The following ERVK3-1 variants were observed in gnomAD, a reference collection of about 807,000 sequenced individuals.
The protein encoded by ERVK3-1 is endogenous retrovirus group K3 member 1, also known as HERV-K(HML6-1).
chr19:58,307,676 C>T (rs1444920290), intron 2 of ERVK3-1, among the ~76,000 whole-genome samples: 2 of 150,642 alleles, frequency 1.3e-5, no homozygotes, highest in Admixed American at 6.6e-5. Flanking sequence ...ACTTTGCCCT[C>T]GCCGTAATAA....
intron 2 of ERVK3-1, among the ~76,000 whole-genome samples, chr19:58,308,410 T>G (rs921687066): frequency 2.0e-5 from 3 of 152,266 alleles, no homozygotes; most frequent in Non-Finnish European, 2.9e-5. Context: ...AGTGCTGAAA[T>G]TTTACTTTGT....
chr19:58,306,019 C>G (rs535493367), intron 1 of ERVK3-1, 69 bp from the exon 2 acceptor site: 1 of 152,416 alleles, frequency 6.6e-6, no homozygotes, highest in Non-Finnish European at 1.5e-5. Flanking sequence ...GCCCCCTGAC[C>G]CCTTCTTTCA....
rs1176210036 is a variant in ERVK3-1 at position 58,312,466 on chromosome 19, T to C, written c.294+4T>C. On this transcript the variant is annotated splice_donor_region_variant and intron_variant, in intron 3 of 3. Coordinates refer to ENST00000413518, the Ensembl canonical transcript of ERVK3-1. The surrounding 1 kb of genome is among the most constrained non-coding windows in gnomAD (Gnocchi z 4.7). ...GCTAGCTGTAGTGTCCTGTGCGGTA[T>C]GTTTCCCCTGTGTAGAGGCAAAAAC... 2.5e-6 allele frequency: 1 copy of C among 399,950 alleles called. No homozygotes were observed. Among genetic ancestry groups the C allele is most frequent in the Admixed American group, 4.4e-5 (1 of 22,712 alleles). The allele number at this position is 399,950 out of a possible 1,614,324, so 24.8% of individuals were successfully genotyped here.
At chr19:58,314,099 T>C (rs748535894) in intron 3 of ERVK3-1, among the ~76,000 whole-genome samples, 1 of 152,184 alleles carries the variant, frequency 6.6e-6, no homozygotes, top group Non-Finnish European at 1.5e-5. Flanking sequence ...TTTGCAATTG[T>C]AGCAGCAATT....
chr19:58,312,192 T>C lies in ERVK3-1; in HGVS notation c.24T>C (p.Pro8=), dbSNP rs1209745955. 10 of 400,028 alleles carry C rather than the reference T, an allele frequency of 2.5e-5. No homozygotes were observed. In the East Asian group the frequency reaches 3.6e-4, roughly 14 times the overall value. The allele number at this position is 400,028 out of a possible 1,614,324, so 24.8% of individuals were successfully genotyped here. Residue 8 remains proline, a synonymous_variant, in exon 3 of 4, where the codon CCT becomes CCC. Transcript: ENST00000413518. This position sits in a 1 kb window ranked among gnomAD's most constrained non-coding sequence, Gnocchi z 4.7. ...AGATGGACAAACCGTGTGGGTGCCC[T>C]CCAGGTGTGTGTGACCATGGAACGG...
chr19:58,316,586 G>A (rs530165447), downstream of ERVK3-1, among the ~76,000 whole-genome samples: 29 of 152,284 alleles, frequency 1.9e-4, no homozygotes, highest in South Asian at 2.9e-3. Context: ...CAGGTGAATC[G>A]CTTGTTCCCA....
Position 58,312,285 on chromosome 19 carries a change from G to C in ERVK3-1, c.117G>C (p.Arg39=), listed in dbSNP as rs973687456. The change falls in exon 3 of 4, where the codon CGG becomes CGC. Residue 39 remains arginine (R), a synonymous_variant. Transcript: ENST00000413518. This position sits in a 1 kb window ranked among gnomAD's most constrained non-coding sequence, Gnocchi z 4.7. ...CTCCAGTACGAGCCATGAGCCAGCG[G>C]AATCTGAATGCAAAGACAGAACAAG... The C allele has an allele frequency of 2.5e-6, 1 of 400,042 alleles. No homozygotes were observed. Among genetic ancestry groups the C allele is most frequent in the African/African-American group, 2.1e-5 (1 of 48,608 alleles). The allele number at this position is 400,042 out of a possible 1,614,324, so 24.8% of individuals were successfully genotyped here. A position where few individuals can be genotyped will look rare whatever the true frequency, so the allele number is the denominator to read the frequency against.
chr19:58,313,044 C>T lies in ERVK3-1; in HGVS notation c.294+582C>T, dbSNP rs939522374. The T allele has an allele frequency of 6.6e-6, 1 of 152,196 alleles. No homozygotes were observed. The highest frequency in any genetic ancestry group is 2.4e-5 in the African/African-American group (1 of 41,442). 9.4% of individuals were successfully genotyped at this position (152,196 alleles called of 1,614,324 possible). On this transcript the variant is annotated intron_variant, in intron 3 of 3. Transcript: ENST00000413518. The surrounding 1 kb of genome is among the most constrained non-coding windows in gnomAD (Gnocchi z 4.5). ...TCATCACATCACACTGGGATTCAGTCCCCCAGTTGGCTGCACAACTTGCTT... is the reference window on the plus strand; with the variant it reads ...TCATCACATCACACTGGGATTCAGTTCCCCAGTTGGCTGCACAACTTGCTT...
downstream of ERVK3-1, among the ~76,000 whole-genome samples, chr19:58,315,950 C>T (rs2051589891): frequency 6.6e-6 from 1 of 152,192 alleles, no homozygotes; most frequent in African/African-American, 2.4e-5. Context: ...GCAAGAGTCA[C>T]TAGCAACCTG....
chr19:58,308,573 A>G (rs145929429), intron 2 of ERVK3-1, among the ~76,000 whole-genome samples: 1 of 152,320 alleles, frequency 6.6e-6, no homozygotes, highest in East Asian at 1.9e-4. Flanking sequence ...AGGAAATGGG[A>G]TATCAGAGTG....
At chr19:58,315,811 C>T (rs2051589087), downstream of ERVK3-1, 1 of 152,312 alleles carries the variant, frequency 6.6e-6, no homozygotes, top group Non-Finnish European at 1.5e-5. Flanking sequence ...TGCCTGTGCT[C>T]ATTAGCCATA....
In ERVK3-1 at chr19:58,312,126, T is replaced by G; in HGVS notation, c.-3-40T>G. The stretch of plus-strand genomic sequence containing the variant: ...AGGACAATGGAAAGGTCCGGTGGAT[T>G]TGCTGACGTGGGGACGAGGGTATGC... On this transcript the variant is annotated intron_variant, in intron 2 of 3. Transcript: ENST00000413518. The surrounding 1 kb of genome is among the most constrained non-coding windows in gnomAD (Gnocchi z 4.7). 1 of 400,074 alleles carries G rather than the reference T, an allele frequency of 2.5e-6. No individual in the cohort carries two copies. Among genetic ancestry groups the G allele is most frequent in the Non-Finnish European group, 4.4e-6 (1 of 226,088 alleles). 24.8% of individuals were successfully genotyped at this position (400,074 alleles called of 1,614,324 possible). A position where few individuals can be genotyped will look rare whatever the true frequency, so the allele number is the denominator to read the frequency against.
At chr19:58,314,775 G>C (rs544759744) in exon 4 of ERVK3-1, 43 of 399,800 alleles carry the variant, frequency 1.1e-4, no homozygotes, top group Non-Finnish European at 1.7e-4. Flanking sequence ...ACCACCAACC[G>C]GCAATTGAAA....
Position 58,314,736 on chromosome 19 carries a change from T to C in ERVK3-1, c.295-12T>C, listed in dbSNP as rs2051579857. ...GAATAATGTTGTTATGTCTCTGTTT[T>C]TTTGCTCATAGTCTATAGGATCGGG... is the stretch of plus-strand genomic sequence containing the variant. On this transcript the variant is annotated splice_polypyrimidine_tract_variant and intron_variant, in intron 3 of 3. Transcript: ENST00000413518. The C allele has an allele frequency of 5.0e-6, 2 of 400,132 alleles. No individual in the cohort carries two copies. The highest frequency in any genetic ancestry group is 4.4e-6 in the Non-Finnish European group (1 of 226,060). The allele number at this position is 400,132 out of a possible 1,614,324, so 24.8% of individuals were successfully genotyped here.
At chr19:58,305,796 A>G (rs532965023) in intron 1 of ERVK3-1, among the ~76,000 whole-genome samples, 31 of 152,344 alleles carry the variant, frequency 2.0e-4, no homozygotes, top group African/African-American at 6.7e-4. Context: ...GTCTGCCGCC[A>G]GAAGGAATGC....
At position 58,310,753 on chromosome 19, in the gene ERVK3-1, G is replaced by A. The variant is rs1243930768; in HGVS notation, c.-3-1413G>A. 1 of 243,664 alleles carries A rather than the reference G, an allele frequency of 4.1e-6. No individual in the cohort carries two copies. Among genetic ancestry groups the A allele is most frequent in the Non-Finnish European group, 8.6e-6 (1 of 116,940 alleles). The allele number at this position is 243,664 out of a possible 1,614,324, so 15.1% of individuals were successfully genotyped here. On this transcript the variant is annotated intron_variant, in intron 2 of 3. Transcript: ENST00000413518. This position sits in a 1 kb window ranked among gnomAD's most constrained non-coding sequence, Gnocchi z 4.7. The stretch of plus-strand genomic sequence containing the variant: ...TAGGCCTCCGGATAACTGTGGGCGA[G>A]CCTGACTAATGTCAGGCCCTCCACA...
intron 2 of ERVK3-1, chr19:58,309,947 A>G (rs1423691127): frequency 3.3e-5 from 5 of 152,204 alleles, no homozygotes; most frequent in Non-Finnish European, 7.3e-5. Context: ...ATAGATAACC[A>G]TTATCCATCA....
rs2051562946 is a variant in ERVK3-1 at position 58,312,503 on chromosome 19, A to G, written c.294+41A>G. 2 of 399,632 alleles carry G rather than the reference A, an allele frequency of 5.0e-6. No homozygotes were observed. Among genetic ancestry groups the G allele is most frequent in the Non-Finnish European group, 4.4e-6 (1 of 226,056 alleles). 24.8% of individuals were successfully genotyped at this position (399,632 alleles called of 1,614,324 possible). Reference sequence around the variant, plus strand: ...GTAGAGGCAAAAACATATTGGGCATATGTTCCTAACCCACTGGTAGTACGA... The same window carrying G: ...GTAGAGGCAAAAACATATTGGGCATGTGTTCCTAACCCACTGGTAGTACGA... On this transcript the variant is annotated intron_variant, in intron 3 of 3. Transcript: ENST00000413518. The surrounding 1 kb of genome is among the most constrained non-coding windows in gnomAD (Gnocchi z 4.7).
exon 4 of ERVK3-1, chr19:58,315,168 A>G (rs3206946): frequency 0.27 from 46,351 of 173,680 alleles, 7,441 homozygotes; most frequent in African/African-American, 0.45. Context: ...CTGTTCCCTA[A>G]TATCAAGGAG....
Sources: allele counts gnomAD v4.1 joint callset (sites outside exome capture counted in the v4.1 genomes callset), GRCh38; gene constraint gnomAD v4.1.1; non-coding constraint Gnocchi (gnomAD v3.1); transcripts MANE v1.5; gene names NCBI Gene and HGNC (gene_info 2026-07-23, HGNC 2026-07-21).